IQCB1: variants seen among roughly 807,000 people sequenced by gnomAD.
IQCB1 encodes IQ motif containing B1, also known as IQ calmodulin-binding motif-containing protein 1.
Under a neutral mutation model 84.4 loss-of-function variants are expected in IQCB1, and 56 were observed. The observed-to-expected ratio is 0.66, with a 90% CI of 0.54 to 0.83. IQCB1 has a LOEUF of 0.83. IQCB1 is among the 40% of genes least tolerant of loss of function. The probability of loss-of-function intolerance (pLI) is 0.00; values close to 1 mark genes in which losing one functional copy is unlikely to be tolerated. For missense variants in IQCB1, 629 were observed against 682.1 expected (o/e 0.92, Z 0.87); for synonymous variants, 210 against 234.8 (o/e 0.89, Z 0.96).
chr3:121,821,627 G>A (rs1559797698), intron 5 of IQCB1, among the ~76,000 whole-genome samples: 1 of 152,218 alleles, frequency 6.6e-6, no homozygotes, highest in South Asian at 2.1e-4. Context: ...AATAGGTGCA[G>A]CTGTGTTCCA....
At chr3:121,788,500 C>A in intron 11 of IQCB1, 68 bp from the exon 12 acceptor site, 1 of 1,347,320 alleles carries the variant, frequency 7.4e-7, no homozygotes. Context: ...GGAATCAGGA[C>A]AATGATAATA....
chr3:121,831,920 A>G (rs898448343), intron 2 of IQCB1, among the ~76,000 whole-genome samples: 2 of 152,248 alleles, frequency 1.3e-5, no homozygotes, highest in African/African-American at 4.8e-5. Context: ...AAATGGCTGC[A>G]TTATGCTACA....
At chr3:121,789,596 G>A (rs994346809) in intron 11 of IQCB1, among the ~76,000 whole-genome samples, 1 of 152,096 alleles carries the variant, frequency 6.6e-6, no homozygotes, top group African/African-American at 2.4e-5. Context: ...CAAGAAGACA[G>A]GTAAAATAAT....
At chr3:121,773,954 T>C (rs955362303) in intron 13 of IQCB1, among the ~76,000 whole-genome samples, 1 of 151,782 alleles carries the variant, frequency 6.6e-6, no homozygotes, top group East Asian at 1.9e-4. Context: ...CAAAGATCAC[T>C]ATCAAGAAAG....
Position 121,781,872 on chromosome 3 carries a change from C to G in IQCB1, c.1281G>C (p.Ala427=), listed in dbSNP as rs201319850. The change falls in exon 13 of 15, where the codon GCG becomes GCC. Residue 427 remains alanine, a splice_region_variant and synonymous_variant. Transcript: ENST00000310864. The stretch of plus-strand genomic sequence containing the variant: ...TACGGCACTTCGCTAGGAATTTAAG[C>G]GCCTGGAAGAAAAAAAATTGAAGGT... ...YKAAVTLQRA[A]LKFLAKCRKK... is the part of the protein sequence containing the mutation. 1 of 1,612,586 alleles carries G rather than the reference C, an allele frequency of 6.2e-7. No homozygotes were observed. Among genetic ancestry groups the G allele is most frequent in the South Asian group, 1.1e-5 (1 of 91,036 alleles).
intron 5 of IQCB1, among the ~76,000 whole-genome samples, chr3:121,825,170 C>A (rs747756264): frequency 3.3e-5 from 5 of 151,470 alleles, no homozygotes; most frequent in Non-Finnish European, 7.4e-5. Flanking sequence ...AAGTGATCCT[C>A]CTGCCTCAGC....
At chr3:121,805,049 A>G (rs900007169) in intron 7 of IQCB1, among the ~76,000 whole-genome samples, 1 of 152,158 alleles carries the variant, frequency 6.6e-6, no homozygotes, top group Non-Finnish European at 1.5e-5. Flanking sequence ...TTTGAGTCTT[A>G]TATGTCTGTA....
At chr3:121,820,217 T>A (rs1203231964) in intron 5 of IQCB1, among the ~76,000 whole-genome samples, 1 of 152,198 alleles carries the variant, frequency 6.6e-6, no homozygotes, top group Non-Finnish European at 1.5e-5. Context: ...CATGAGGCCA[T>A]GTACTAGACA....
At chr3:121,786,007 G>GAA (rs11308989) in intron 12 of IQCB1, among the ~76,000 whole-genome samples, 1 of 137,158 alleles carries the variant, frequency 7.3e-6, no homozygotes, top group Admixed American at 7.7e-5. Flanking sequence ...AGTCTCTACT[G>GAA]AAAAAAAAAA....
At chr3:121,781,656 C>CACAT in intron 13 of IQCB1, 87 bp downstream of exon 13, 1 of 1,048,862 alleles carries the variant, frequency 9.5e-7, no homozygotes, top group Non-Finnish European at 1.4e-6. Context: ...CACACACACA[C>CACAT]ACACACAATA....
intron 7 of IQCB1, among the ~76,000 whole-genome samples, chr3:121,805,049 A>C (rs900007169): frequency 1.3e-5 from 2 of 152,276 alleles, no homozygotes; most frequent in Admixed American, 6.5e-5. Context: ...TTTGAGTCTT[A>C]TATGTCTGTA....
chr3:121,831,860 G>A (rs933420984), intron 2 of IQCB1, among the ~76,000 whole-genome samples: 1 of 152,228 alleles, frequency 6.6e-6, no homozygotes, highest in African/African-American at 2.4e-5. Context: ...CCGGCACATA[G>A]TAGTCACAAA....
At chr3:121,804,368 T>C (rs1413246132) in intron 7 of IQCB1, among the ~76,000 whole-genome samples, 2 of 152,280 alleles carry the variant, frequency 1.3e-5, no homozygotes, top group South Asian at 2.1e-4. Flanking sequence ...CCATTTCCGA[T>C]ACTCTATTTC....
intron 7 of IQCB1, among the ~76,000 whole-genome samples, chr3:121,804,077 T>C (rs2108583101): frequency 6.6e-6 from 1 of 152,200 alleles, no homozygotes; most frequent in African/African-American, 2.4e-5. Context: ...TGTAAATTCT[T>C]TGTTTTGCTA....
At chr3:121,803,759 A>C (rs1480474150) in intron 7 of IQCB1, among the ~76,000 whole-genome samples, 3 of 152,204 alleles carry the variant, frequency 2.0e-5, no homozygotes, top group Non-Finnish European at 2.9e-5. Flanking sequence ...ATACTAATAC[A>C]GGTACTTCAA....
At position 121,810,225 on chromosome 3, in the gene IQCB1, C is replaced by T. The variant is rs574919396; in HGVS notation, c.394-1216G>A. Among the ~76,000 whole-genome samples, 6 of 152,186 alleles carry T rather than the reference C, an allele frequency of 3.9e-5. No individual in the cohort carries two copies. In the South Asian group the frequency reaches 1.2e-3, roughly 32 times the overall value. ...ATTCTCACATATACTCACACAAAAC[C>T]ACTTTGTATTTTAGGTCAGAACGTG... On this transcript the variant is annotated intron_variant, in intron 5 of 14. Transcript: ENST00000310864.
chr3:121,787,348 A>G (rs367647402), intron 12 of IQCB1, among the ~76,000 whole-genome samples: 1 of 152,216 alleles, frequency 6.6e-6, no homozygotes, highest in African/African-American at 2.4e-5. Flanking sequence ...TAAGAGAACA[A>G]CGGGATGTTA....
Position 121,809,011 on chromosome 3 carries a change from T to C in IQCB1, c.394-2A>G. 6.3e-7 allele frequency: 1 copy of C among 1,576,616 alleles called. No individual in the cohort carries two copies. The highest frequency in any genetic ancestry group is 8.7e-7 in the Non-Finnish European group (1 of 1,146,906). ...TAGTAATTCATCTTTTTCTTCAGCC[T>C]TAACATAAAAGATAAGCCCAGTTTA... On this transcript the variant is annotated splice_acceptor_variant, in intron 5 of 14. Coordinates refer to ENST00000310864, the MANE Select transcript of IQCB1 (RefSeq NM_001023570.4). LOFTEE classifies it high-confidence loss of function.
chr3:121,781,858 G>A lies in IQCB1; in HGVS notation c.1295C>T (p.Ala432Val), dbSNP rs150129899. 8.1e-6 allele frequency: 13 copies of A among 1,613,190 alleles called. No individual in the cohort carries two copies. The highest frequency in any genetic ancestry group is 4.5e-5 in the East Asian group (2 of 44,848). ...TAGTTTCTTTTTCTTACGGCACTTC[G>A]CTAGGAATTTAAGCGCCTGGAAGAA... ...TLQRAALKFLAKCRKKKKLFA... is the reference protein window; with the variant it reads ...TLQRAALKFLVKCRKKKKLFA... The change falls in exon 13 of 15, where the codon GCG (alanine) becomes GTG (valine). Residue 432 changes from alanine (A) to valine (V), a missense_variant. Transcript: ENST00000310864.
Sources: allele counts gnomAD v4.1 joint callset (sites outside exome capture counted in the v4.1 genomes callset), GRCh38; gene constraint gnomAD v4.1.1; transcripts MANE v1.5; gene names NCBI Gene and HGNC (gene_info 2026-07-23, HGNC 2026-07-21).